The following PHACTR2 variants were observed in gnomAD, a reference collection of about 807,000 sequenced individuals.
PHACTR2 encodes the protein phosphatase and actin regulator 2.
PHACTR2 carries 30 observed loss-of-function variants against 76.0 expected under a neutral mutation model. The observed-to-expected ratio is 0.39, with a 90% CI of 0.30 to 0.54. The LOEUF (loss-of-function observed/expected upper bound fraction) is 0.54. Among genes scored for constraint, PHACTR2 ranks in the 20% least tolerant of loss-of-function variants. PHACTR2 has a pLI of 0.61. For missense variants in PHACTR2, 696 were observed against 781.1 expected (o/e 0.89, Z 1.30); for synonymous variants, 292 against 292.5 (o/e 1.00, Z 0.02).
chr6:143,816,246 C>T lies in PHACTR2; in HGVS notation c.1923-7428C>T, dbSNP rs913667263. Among the ~76,000 whole-genome samples the T allele has an allele frequency of 3.3e-5, 5 of 152,040 alleles. No individual in the cohort carries two copies. The highest frequency in any genetic ancestry group is 3.9e-4 in the East Asian group (2 of 5,188). Reference sequence around the variant, plus strand: ...TGTCACATAGACAAACTTCTCAAGACGTAAAGCTGAACTTCTCCTACCTTA... The same window carrying T: ...TGTCACATAGACAAACTTCTCAAGATGTAAAGCTGAACTTCTCCTACCTTA... On this transcript the variant is annotated intron_variant, in intron 12 of 12. Transcript: ENST00000440869. The surrounding 1 kb of genome is among the most constrained non-coding windows in gnomAD (Gnocchi z 4.5).
intron 1 of PHACTR2, among the ~76,000 whole-genome samples, chr6:143,668,564 G>A (rs1230751032): frequency 1.3e-5 from 2 of 152,146 alleles, no homozygotes; most frequent in South Asian, 4.1e-4. Context: ...CTTGTTATTG[G>A]TCTATTCAGG....
chr6:143,812,923 G>A (rs1776211205), intron 12 of PHACTR2, among the ~76,000 whole-genome samples: 2 of 152,140 alleles, frequency 1.3e-5, no homozygotes, highest in South Asian at 2.1e-4. Context: ...AAGATAAATT[G>A]CATGAAAGGT....
chr6:143,614,116 G>T (rs1776023816), intron 1 of PHACTR2, among the ~76,000 whole-genome samples: 1 of 152,158 alleles, frequency 6.6e-6, no homozygotes, highest in Non-Finnish European at 1.5e-5. Flanking sequence ...CAGCTACTTG[G>T]ATGCCTGAGG....
chr6:143,823,637 T>C lies in PHACTR2; in HGVS notation c.1923-37T>C. 6.3e-7 allele frequency: 1 copy of C among 1,593,040 alleles called. No individual in the cohort carries two copies. Among genetic ancestry groups the C allele is most frequent in the Non-Finnish European group, 8.6e-7 (1 of 1,161,568 alleles). ...GCTCACTGCATGCAGAATGTGCTCC[T>C]AGGCCACAGGCTTATAGTTTCTATT... On this transcript the variant is annotated intron_variant, in intron 12 of 12. Transcript: ENST00000440869. This position sits in a 1 kb window ranked among gnomAD's most constrained non-coding sequence, Gnocchi z 5.7.
chr6:143,746,271 A>G (rs1294713464), intron 2 of PHACTR2, among the ~76,000 whole-genome samples: 1 of 152,148 alleles, frequency 6.6e-6, no homozygotes, highest in Admixed American at 6.5e-5. Context: ...GCCCAGGGTC[A>G]CTCAACAAGT....
In PHACTR2 at chr6:143,558,848, T is replaced by C. The variant is rs1685912879; in HGVS notation, c.217+21641T>C. On this transcript the variant is annotated intron_variant, in intron 1 of 11. Transcript: ENST00000367584. This position sits in a 1 kb window ranked among gnomAD's most constrained non-coding sequence, Gnocchi z 4.7. ...GCAAACAGTGGACCAGTAATGGTGA[T>C]TAGGTAGCTCGAGGGCCCCTAAACA... Among the ~76,000 whole-genome samples, 1 of 152,140 alleles carries C rather than the reference T, an allele frequency of 6.6e-6. No individual in the cohort carries two copies. The highest frequency in any genetic ancestry group is 1.9e-4 in the East Asian group (1 of 5,188).
Position 143,765,608 on chromosome 6 carries a change from G to T in PHACTR2, c.1042G>T (p.Ala348Ser), listed in dbSNP as rs764200971. 5.6e-6 allele frequency: 9 copies of T among 1,613,700 alleles called. No individual in the cohort carries two copies. The highest frequency in any genetic ancestry group is 1.6e-4 in the Middle Eastern group (1 of 6,084). Residue 348 changes from alanine to serine, a missense_variant, in exon 6 of 13, where the codon GCC becomes TCC. Transcript: ENST00000440869. The surrounding 1 kb of genome is among the most constrained non-coding windows in gnomAD (Gnocchi z 4.1). ...TGTGGCTCCAGCACCTTCTCCTCTG[G>T]CCCCCCCTCTCCCTCTTGAGGATCA... ...PPVAPAPSPL[A>S]PPLPLEDQCI...
At chr6:143,575,459 G>A (rs974975908) in intron 1 of PHACTR2, among the ~76,000 whole-genome samples, 1 of 152,080 alleles carries the variant, frequency 6.6e-6, no homozygotes, top group African/African-American at 2.4e-5. Flanking sequence ...CTATCAAAAC[G>A]CCAGTTTAGA....
chr6:143,657,306 T>C (rs1450990008), intron 1 of PHACTR2, among the ~76,000 whole-genome samples: 1 of 152,084 alleles, frequency 6.6e-6, no homozygotes, highest in African/African-American at 2.4e-5. Flanking sequence ...GTCAATTTCA[T>C]ACAGCCATGC....
At chr6:143,687,164 G>T (rs1046214853) in intron 1 of PHACTR2, among the ~76,000 whole-genome samples, 5 of 152,170 alleles carry the variant, frequency 3.3e-5, no homozygotes, top group Admixed American at 6.5e-5. Flanking sequence ...TAGCTCATCA[G>T]ATTTGGTCAG....
At chr6:143,759,913 A>G (rs908550968) in intron 4 of PHACTR2, among the ~76,000 whole-genome samples, 2 of 152,204 alleles carry the variant, frequency 1.3e-5, no homozygotes, top group African/African-American at 4.8e-5. Flanking sequence ...CAGATGGATC[A>G]GGCTTGAGTT....
chr6:143,606,070 T>A (rs1210019154), upstream of PHACTR2, among the ~76,000 whole-genome samples: 1 of 152,158 alleles, frequency 6.6e-6, no homozygotes, highest in Non-Finnish European at 1.5e-5. Context: ...TTTAGAAAGG[T>A]AATAGAAAAC....
chr6:143,604,470 C>G (rs1208650557), upstream of PHACTR2, among the ~76,000 whole-genome samples: 7 of 152,184 alleles, frequency 4.6e-5, no homozygotes, highest in Non-Finnish European at 1.0e-4. Context: ...TCCATCTGAA[C>G]TGGCCTTTAT....
chr6:143,731,081 G>A lies in PHACTR2; in HGVS notation c.215-17904G>A, dbSNP rs1778689392. On this transcript the variant is annotated intron_variant, in intron 2 of 12. Transcript: ENST00000440869. The surrounding 1 kb of genome is among the most constrained non-coding windows in gnomAD (Gnocchi z 4.9). ...GGTTTTTATACATGCCCTTTATTAG[G>A]TTGAGGAAGTTCCTTTTTGTTCCTG... Among the ~76,000 whole-genome samples the A allele has an allele frequency of 6.6e-6, 1 of 152,056 alleles. No homozygotes were observed. Among genetic ancestry groups the A allele is most frequent in the African/African-American group, 2.4e-5 (1 of 41,418 alleles).
chr6:143,603,864 C>T (rs539524820), upstream of PHACTR2, among the ~76,000 whole-genome samples: 42 of 151,914 alleles, frequency 2.8e-4, no homozygotes, highest in South Asian at 2.7e-3. Context: ...TTTGAGAGAC[C>T]GAGGTGGGTG....
chr6:143,680,856 T>TA lies in PHACTR2; in HGVS notation c.46+2649dup, dbSNP rs1267960744. ...AGAACATTTCATGTCAATGGAATCA[T>TA]AATGTGTCATTTTGTGACTGGCTTC... On this transcript the variant is annotated intron_variant, in intron 1 of 12. Transcript: ENST00000440869. The surrounding 1 kb of genome is among the most constrained non-coding windows in gnomAD (Gnocchi z 4.5). 7.9e-5 allele frequency among the ~76,000 whole-genome samples: 12 copies of TA among 152,224 alleles called. No homozygotes were observed. The highest frequency in any genetic ancestry group is 1.3e-4 in the Non-Finnish European group (9 of 68,010).
rs1056210637 is a variant in PHACTR2 at position 143,595,594 on chromosome 6, C to G, written c.217+58387C>G. On this transcript the variant is annotated intron_variant, in intron 1 of 11. Transcript: ENST00000367584. This position sits in a 1 kb window ranked among gnomAD's most constrained non-coding sequence, Gnocchi z 4.2. Reference sequence around the variant, plus strand: ...CTGATGCTCACTTGAAGTTCCATGCCATGTATTTTATTTCAATAGCCACAT... The same window carrying G: ...CTGATGCTCACTTGAAGTTCCATGCGATGTATTTTATTTCAATAGCCACAT... Among the ~76,000 whole-genome samples, 24 of 152,256 alleles carry G rather than the reference C, an allele frequency of 1.6e-4. No homozygotes were observed. Among genetic ancestry groups the G allele is most frequent in the Middle Eastern group, 3.4e-3 (1 of 294 alleles).
intron 1 of PHACTR2, among the ~76,000 whole-genome samples, chr6:143,687,700 A>T (rs1374769584): frequency 6.6e-6 from 1 of 152,152 alleles, no homozygotes; most frequent in Non-Finnish European, 1.5e-5. Flanking sequence ...TTTTATTCAC[A>T]TCAACCTTCT....
Position 143,788,763 on chromosome 6 carries a change from C to G in PHACTR2, c.1708-10C>G. On this transcript the variant is annotated splice_polypyrimidine_tract_variant and intron_variant, in intron 10 of 12. Transcript: ENST00000440869. ...TACTGAACTCTGCCTTTTTCCTTGTCCTCCTGCAGCTCAGCCTGAGACCCA... is the reference window on the plus strand; with the variant it reads ...TACTGAACTCTGCCTTTTTCCTTGTGCTCCTGCAGCTCAGCCTGAGACCCA... The G allele has an allele frequency of 1.9e-6, 3 of 1,602,630 alleles. No homozygotes were observed. In the South Asian group the frequency reaches 3.3e-5, roughly 18 times the overall value.
Sources: allele counts gnomAD v4.1 joint callset (sites outside exome capture counted in the v4.1 genomes callset), GRCh38; gene constraint gnomAD v4.1.1; non-coding constraint Gnocchi (gnomAD v3.1); transcripts MANE v1.5; gene names NCBI Gene and HGNC (gene_info 2026-07-23, HGNC 2026-07-21).